The following PSD3 variants were observed in gnomAD, a reference collection of about 807,000 sequenced individuals.
PSD3 encodes the protein pleckstrin and Sec7 domain containing 3.
Under a neutral mutation model 105.5 loss-of-function variants are expected in PSD3, and 49 were observed. The observed-to-expected ratio is 0.46, with a 90% confidence interval of 0.37 to 0.59. PSD3 has a LOEUF of 0.59. Ranked by LOEUF, PSD3 falls within the 20% of genes least tolerant of loss-of-function variation. PSD3 has a pLI of 0.00. For synonymous variants in PSD3, 557 were observed against 457.8 expected (o/e 1.22, Z -2.77); for missense variants, 1,561 against 1,263.8 (o/e 1.24, Z -3.57).
At chr8:18,816,918 T>C (rs1303495769) in intron 4 of PSD3, among the ~76,000 whole-genome samples, 2 of 152,068 alleles carry the variant, frequency 1.3e-5, no homozygotes, top group Non-Finnish European at 2.9e-5. Flanking sequence ...GAGGGAGGGG[T>C]TGCTATTTTA....
At chr8:19,018,096 G>A (rs1399091064), upstream of PSD3, among the ~76,000 whole-genome samples, 2 of 152,188 alleles carry the variant, frequency 1.3e-5, no homozygotes, top group Non-Finnish European at 2.9e-5. Flanking sequence ...AGCCATCTTA[G>A]TGGGTGTGAA....
chr8:18,921,780 G>A (rs1821039236), intron 2 of PSD3, among the ~76,000 whole-genome samples: 1 of 152,170 alleles, frequency 6.6e-6, no homozygotes, highest in South Asian at 2.1e-4. Context: ...AGTGTTCACG[G>A]GCTTCAGGAG....
At chr8:18,739,997 C>G (rs1021343584) in intron 9 of PSD3, among the ~76,000 whole-genome samples, 2 of 152,142 alleles carry the variant, frequency 1.3e-5, no homozygotes, top group Admixed American at 1.3e-4. Flanking sequence ...TCTGGGATAA[C>G]AGACTGCGTA....
chr8:18,760,120 T>C (rs1472112078), intron 9 of PSD3, among the ~76,000 whole-genome samples: 2 of 151,774 alleles, frequency 1.3e-5, no homozygotes, highest in East Asian at 3.9e-4. Flanking sequence ...TCAAGAAAAT[T>C]CTTATTTTTA....
intron 4 of PSD3, among the ~76,000 whole-genome samples, chr8:18,842,736 A>G (rs1191951984): frequency 6.6e-6 from 1 of 152,104 alleles, no homozygotes; most frequent in African/African-American, 2.4e-5. Context: ...CCGTCTAAAA[A>G]AAAAAAAATT....
chr8:18,630,979 C>T (rs774809632), intron 11 of PSD3, among the ~76,000 whole-genome samples: 7 of 151,946 alleles, frequency 4.6e-5, no homozygotes, highest in Non-Finnish European at 7.4e-5. Flanking sequence ...ATTTTGGTAC[C>T]TGTCAGAGGC....
rs985691161 is a variant in PSD3, at chr8:18,896,445, G to A, written c.131-23712C>T. Among the ~76,000 whole-genome samples, 6 of 152,206 alleles carry A rather than the reference G, an allele frequency of 3.9e-5. No homozygotes were observed. In the South Asian group the frequency reaches 6.2e-4, roughly 16 times the overall value. ...TATTTTATTTTTGAGACAGGGTCTC[G>A]CTCTGTCGTTCAGGCTGCAGTGCAC... On this transcript the variant is annotated intron_variant, in intron 2 of 15. Coordinates refer to ENST00000327040, the MANE Select transcript of PSD3 (RefSeq NM_015310.4).
intron 10 of PSD3, among the ~76,000 whole-genome samples, chr8:18,651,845 G>A (rs946014555): frequency 6.6e-6 from 1 of 152,160 alleles, no homozygotes; most frequent in African/African-American, 2.4e-5. Flanking sequence ...CACGAACACT[G>A]AATGGAGAAC....
chr8:18,739,650 A>G (rs1051825307), intron 9 of PSD3, among the ~76,000 whole-genome samples: 1 of 152,200 alleles, frequency 6.6e-6, no homozygotes, highest in African/African-American at 2.4e-5. Context: ...TATAGTAGCA[A>G]AAAAATAAAC....
rs28672316 is a variant in PSD3, at chr8:18,736,543, T to C, written c.2172+28906A>G. Among the ~76,000 whole-genome samples the C allele has an allele frequency of 9.2e-3, 1,399 of 152,080 alleles. 28 individuals carry two copies. The highest frequency in any genetic ancestry group is 0.032 in the African/African-American group (1,345 of 41,474). On this transcript the variant is annotated intron_variant, in intron 9 of 15. Transcript: ENST00000327040. ...TTATTAATCCTACATTCAGTAAGAG[T>C]TTGAGAAGGGAATAATCACCCAAAA...
At chr8:18,816,097 G>C (rs2129448822) in intron 4 of PSD3, among the ~76,000 whole-genome samples, 1 of 152,198 alleles carries the variant, frequency 6.6e-6, no homozygotes, top group East Asian at 1.9e-4. Flanking sequence ...TCTTCATCTG[G>C]GGCTATGGGA....
intron 9 of PSD3, among the ~76,000 whole-genome samples, chr8:18,690,780 G>T (rs916258559): frequency 6.6e-6 from 1 of 152,106 alleles, no homozygotes; most frequent in South Asian, 2.1e-4. Flanking sequence ...GTCACCCTTC[G>T]ACCCCAGCCT....
At chr8:18,841,901 T>C (rs1814656898) in intron 4 of PSD3, among the ~76,000 whole-genome samples, 1 of 152,146 alleles carries the variant, frequency 6.6e-6, no homozygotes, top group Non-Finnish European at 1.5e-5. Flanking sequence ...AACTAGACTT[T>C]TGATATAAAA....
chr8:19,005,693 T>G (rs1376457668), intron 1 of PSD3, among the ~76,000 whole-genome samples: 1 of 151,888 alleles, frequency 6.6e-6, no homozygotes, highest in Non-Finnish European at 1.5e-5. Flanking sequence ...CACTCTATGT[T>G]GCCCAGACTG....
intron 8 of PSD3, among the ~76,000 whole-genome samples, chr8:18,780,198 T>C (rs1442331257): frequency 6.6e-6 from 1 of 152,208 alleles, no homozygotes; most frequent in Non-Finnish European, 1.5e-5. Context: ...GCTTTTTGGC[T>C]TAAAGTCTAT....
At chr8:19,084,291 G>T (rs926362251) in exon 1 of PSD3, 1 of 456,118 alleles carries the variant, frequency 2.2e-6, no homozygotes, top group South Asian at 1.5e-5. Flanking sequence ...TGCCCTTGTC[G>T]CCTGCGCTGT....
At chr8:18,775,019 C>T (rs1198036051) in intron 8 of PSD3, 5 of 454,598 alleles carry the variant, frequency 1.1e-5, no homozygotes, top group South Asian at 6.2e-5. Flanking sequence ...TGTGCCCCTC[C>T]TCCTCCTACC....
chr8:18,934,181 A>T (rs1167059067), intron 2 of PSD3, among the ~76,000 whole-genome samples: 2 of 152,202 alleles, frequency 1.3e-5, no homozygotes, highest in African/African-American at 4.8e-5. Context: ...AAAAATGTGT[A>T]GTTCATACCT....
intron 1 of PSD3, among the ~76,000 whole-genome samples, chr8:18,965,932 T>G (rs1486268609): frequency 6.6e-6 from 1 of 152,246 alleles, no homozygotes; most frequent in Non-Finnish European, 1.5e-5. Flanking sequence ...CCGTGCCCAT[T>G]TCCTCTTGTG....
Sources: allele counts gnomAD v4.1 joint callset (sites outside exome capture counted in the v4.1 genomes callset), GRCh38; gene constraint gnomAD v4.1.1; transcripts MANE v1.5; gene names NCBI Gene and HGNC (gene_info 2026-07-23, HGNC 2026-07-21).